SDK1: variants seen among roughly 807,000 people sequenced by gnomAD.
SDK1 encodes the protein sidekick cell adhesion molecule 1.
SDK1 carries 157 observed loss-of-function variants against 245.5 expected under a neutral mutation model. The observed-to-expected ratio is 0.64, with a 90% CI of 0.56 to 0.73. The LOEUF (loss-of-function observed/expected upper bound fraction) is 0.73, where lower values mean the gene tolerates loss of function less well. SDK1 is among the 30% of genes least tolerant of loss of function. The probability of loss-of-function intolerance (pLI) is 0.00; values close to 1 mark genes in which losing one functional copy is unlikely to be tolerated. For synonymous variants in SDK1, 1,647 were observed against 1,278.5 expected, an observed-to-expected ratio of 1.29 and a Z score of -6.15; for missense variants, 3,583 against 3,002.3, an observed-to-expected ratio of 1.19 and a Z score of -4.52.
At chr7:3,328,573 T>C (rs1489091634) in intron 1 of SDK1, among the ~76,000 whole-genome samples, 1 of 152,116 alleles carries the variant, frequency 6.6e-6, no homozygotes, top group East Asian at 1.9e-4. Flanking sequence ...TACATAAAAG[T>C]CTCCTTCCCC....
rs1788410773 is a variant in SDK1 at position 4,265,445 on chromosome 7, T to C, written c.*61T>C. 1 of 1,397,304 alleles carries C rather than the reference T, an allele frequency of 7.2e-7. No individual in the cohort carries two copies. Among genetic ancestry groups the C allele is most frequent in the Non-Finnish European group, 9.2e-7 (1 of 1,084,040 alleles). 86.6% of individuals were successfully genotyped at this position (1,397,304 alleles called of 1,614,324 possible). A position where few individuals can be genotyped will look rare whatever the true frequency, so the allele number is the denominator to read the frequency against. The stretch of plus-strand genomic sequence containing the variant: ...GCAACTTTCCGGAGTCTATTTTTGT[T>C]AAGACAATCAACTCCAATAACTGAG... On this transcript the variant is annotated 3_prime_UTR_variant, in exon 45 of 45. Coordinates refer to ENST00000404826, the MANE Select transcript of SDK1 (RefSeq NM_152744.4).
intron 5 of SDK1, among the ~76,000 whole-genome samples, chr7:3,850,750 C>T (rs1210202918): frequency 6.6e-6 from 1 of 151,434 alleles, no homozygotes; most frequent in Non-Finnish European, 1.5e-5. Context: ...AGCAAACTAT[C>T]GCAAGAACAA....
At chr7:3,591,741 T>G (rs1780882641) in intron 1 of SDK1, among the ~76,000 whole-genome samples, 1 of 152,252 alleles carries the variant, frequency 6.6e-6, no homozygotes, top group Non-Finnish European at 1.5e-5. Flanking sequence ...TGTGTATATG[T>G]GCAGAGGTGT....
At chr7:3,952,169 C>T (rs758138802) in intron 7 of SDK1, 9 of 506,806 alleles carry the variant, frequency 1.8e-5, no homozygotes, top group Non-Finnish European at 2.4e-5. Context: ...TCACAAAGCT[C>T]GGGAAATAGA....
chr7:3,821,990 A>G (rs1230455212), intron 5 of SDK1, among the ~76,000 whole-genome samples: 4 of 152,216 alleles, frequency 2.6e-5, no homozygotes, highest in East Asian at 1.9e-4. Context: ...AATTCTACCT[A>G]TTAAGTTGTA....
chr7:3,396,942 A>G (rs1778726594), intron 1 of SDK1, among the ~76,000 whole-genome samples: 2 of 151,564 alleles, frequency 1.3e-5, no homozygotes, highest in African/African-American at 4.8e-5. Context: ...TCATTCCTCC[A>G]TGACTGCTTT....
At chr7:4,195,679 C>T (rs940449967) in intron 35 of SDK1, among the ~76,000 whole-genome samples, 4 of 152,206 alleles carry the variant, frequency 2.6e-5, no homozygotes, top group South Asian at 4.1e-4. Context: ...GGCTCTGTCC[C>T]CATAACCCTG....
intron 17 of SDK1, among the ~76,000 whole-genome samples, chr7:4,049,112 G>C (rs1789245051): frequency 6.6e-6 from 1 of 152,184 alleles, no homozygotes; most frequent in Non-Finnish European, 1.5e-5. Context: ...AGGATGGTCT[G>C]GTCCACCTTT....
intron 1 of SDK1, among the ~76,000 whole-genome samples, chr7:3,584,155 T>C (rs1051330651): frequency 1.3e-5 from 2 of 152,218 alleles, no homozygotes; most frequent in African/African-American, 4.8e-5. Context: ...TCTGTGCTTA[T>C]ATGAATTTGG....
At chr7:3,786,534 C>A (rs367742677) in intron 4 of SDK1, among the ~76,000 whole-genome samples, 1 of 152,128 alleles carries the variant, frequency 6.6e-6, no homozygotes, top group Non-Finnish European at 1.5e-5. Flanking sequence ...TAAGCCTCTC[C>A]ATGTACAAGA....
At chr7:4,151,340 T>A (rs572521550) in intron 30 of SDK1, among the ~76,000 whole-genome samples, 1 of 152,266 alleles carries the variant, frequency 6.6e-6, no homozygotes, top group South Asian at 2.1e-4. Flanking sequence ...TCTGCTCTTC[T>A]GAAAATCGAG....
chr7:3,972,193 C>T (rs903940318), intron 12 of SDK1, among the ~76,000 whole-genome samples: 1 of 151,718 alleles, frequency 6.6e-6, no homozygotes, highest in African/African-American at 2.4e-5. Context: ...CATTGTCCTG[C>T]CTCAGCCTCC....
intron 1 of SDK1, among the ~76,000 whole-genome samples, chr7:3,420,908 C>T (rs146961079): frequency 2.0e-5 from 3 of 152,266 alleles, no homozygotes; most frequent in Non-Finnish European, 4.4e-5. Flanking sequence ...CTCTGTCCTT[C>T]CACACCTCCC....
At chr7:3,623,676 A>G (rs1782019476) in intron 2 of SDK1, among the ~76,000 whole-genome samples, 1 of 152,214 alleles carries the variant, frequency 6.6e-6, no homozygotes, top group Non-Finnish European at 1.5e-5. Context: ...TTCTTTCCAG[A>G]AAGCATTTAG....
At chr7:3,608,153 G>C (rs1011559673) in intron 1 of SDK1, among the ~76,000 whole-genome samples, 6 of 152,122 alleles carry the variant, frequency 3.9e-5, no homozygotes, top group African/African-American at 9.7e-5. Context: ...CCAAAATCTA[G>C]CTCTCTCAAA....
intron 4 of SDK1, among the ~76,000 whole-genome samples, chr7:3,785,973 A>G (rs1459113742): frequency 6.6e-6 from 1 of 152,224 alleles, no homozygotes; most frequent in Non-Finnish European, 1.5e-5. Flanking sequence ...TGCTTTTATT[A>G]GGTCATGCAT....
At chr7:3,531,024 A>G (rs934964321) in intron 1 of SDK1, among the ~76,000 whole-genome samples, 1 of 152,200 alleles carries the variant, frequency 6.6e-6, no homozygotes, top group African/African-American at 2.4e-5. Flanking sequence ...AGCTATTAGA[A>G]TATTCTGTCA....
At chr7:4,080,904 G>C (rs1030007555) in intron 22 of SDK1, among the ~76,000 whole-genome samples, 3 of 152,158 alleles carry the variant, frequency 2.0e-5, no homozygotes, top group Non-Finnish European at 4.4e-5. Flanking sequence ...TCAGTCTTCA[G>C]CAAATGAAGA....
At chr7:4,038,454 G>C (rs879888629) in intron 17 of SDK1, among the ~76,000 whole-genome samples, 3 of 152,092 alleles carry the variant, frequency 2.0e-5, no homozygotes, top group Admixed American at 2.0e-4. Context: ...CATACACCAA[G>C]TGCCGTTACT....
Sources: gnomAD v4.1 joint callset for allele counts (sites outside exome capture counted in the v4.1 genomes callset) on GRCh38, gnomAD v4.1.1 for gene constraint, MANE v1.5 for transcripts, NCBI Gene and HGNC (gene_info 2026-07-23, HGNC 2026-07-21) for gene names.